Variants in ERC2 observed in about 807,000 individuals in gnomAD.
The protein encoded by ERC2 is ERC protein 2.
In ERC2, 42 loss-of-function variants were observed where a neutral mutation model predicts 114.8. That is an observed-to-expected ratio of 0.37 (90% CI 0.29 to 0.47). ERC2 has a LOEUF of 0.47. ERC2 is among the 20% of genes least tolerant of loss of function. ERC2 has a pLI of 0.99. For missense variants in ERC2, 939 were observed against 1,150.7 expected (o/e 0.82, Z 2.66); for synonymous variants, 454 against 425.5 (o/e 1.07, Z -0.82).
At position 55,509,303 on chromosome 3, in the gene ERC2, T is replaced by A. The variant is rs964776901; in HGVS notation, c.*2013A>T. On this transcript the variant is annotated 3_prime_UTR_variant, in exon 18 of 18. Coordinates refer to ENST00000288221, the MANE Select transcript of ERC2 (RefSeq NM_015576.3). ...CCTACTTCCTACTTCAAGTATTCAG[T>A]TGCAGAGTTCAGGTCAAGACCTGGT... is the stretch of plus-strand genomic sequence containing the variant. 5 of 152,738 alleles carry A rather than the reference T, an allele frequency of 3.3e-5. No individual in the cohort carries two copies. The highest frequency in any genetic ancestry group is 1.2e-4 in the African/African-American group (5 of 41,578). The allele number at this position is 152,738 out of a possible 1,614,324, so 9.5% of individuals were successfully genotyped here. A position where few individuals can be genotyped will look rare whatever the true frequency, so the allele number is the denominator to read the frequency against.
chr3:55,935,509 A>T (rs574127022), intron 13 of ERC2, among the ~76,000 whole-genome samples: 9 of 152,246 alleles, frequency 5.9e-5, no homozygotes, highest in African/African-American at 2.2e-4. Flanking sequence ...CAATGAACAA[A>T]CTCTTGGCTA....
At chr3:56,407,051 G>A (rs1353565338) in intron 2 of ERC2, among the ~76,000 whole-genome samples, 1 of 152,092 alleles carries the variant, frequency 6.6e-6, no homozygotes, top group Non-Finnish European at 1.5e-5. Flanking sequence ...AGACAGACAG[G>A]ATAAGTGTCT....
chr3:56,216,181 T>C (rs1489101877), intron 3 of ERC2, among the ~76,000 whole-genome samples: 1 of 152,128 alleles, frequency 6.6e-6, no homozygotes. Flanking sequence ...CAAAAAACCC[T>C]TCAAAAAATC....
chr3:55,929,861 T>C (rs745365879), intron 13 of ERC2, among the ~76,000 whole-genome samples: 2 of 152,224 alleles, frequency 1.3e-5, no homozygotes, highest in Non-Finnish European at 2.9e-5. Context: ...TCTGCCATGA[T>C]TGAAGATTTC....
At chr3:56,090,698 G>A (rs985518286) in intron 6 of ERC2, among the ~76,000 whole-genome samples, 6 of 145,420 alleles carry the variant, frequency 4.1e-5, no homozygotes, top group South Asian at 2.2e-4. Flanking sequence ...GGTTTGTTAC[G>A]TAATGGTGAG....
chr3:55,639,886 G>A (rs569607075), intron 17 of ERC2, among the ~76,000 whole-genome samples: 6 of 152,178 alleles, frequency 3.9e-5, no homozygotes, highest in African/African-American at 1.2e-4. Context: ...GGAAGCAGAT[G>A]TTTTCACACT....
chr3:55,902,425 T>G (rs756840653), intron 13 of ERC2, among the ~76,000 whole-genome samples: 18 of 151,982 alleles, frequency 1.2e-4, no homozygotes, highest in Non-Finnish European at 1.5e-5. Context: ...TGGTTAACCT[T>G]GGGAAAAATC....
At chr3:56,410,211 T>G (rs1014294636) in intron 2 of ERC2, among the ~76,000 whole-genome samples, 3 of 152,216 alleles carry the variant, frequency 2.0e-5, no homozygotes, top group African/African-American at 7.2e-5. Context: ...GGGATATATA[T>G]AGAGAGCAAA....
chr3:55,956,823 C>T (rs531260719), intron 12 of ERC2, among the ~76,000 whole-genome samples: 114 of 152,246 alleles, frequency 7.5e-4, no homozygotes, highest in Non-Finnish European at 1.4e-3. Context: ...GCCCACATCC[C>T]CACATTTTCC....
chr3:56,276,478 C>A (rs114973675), intron 3 of ERC2, among the ~76,000 whole-genome samples: 8,151 of 89,652 alleles, frequency 0.091, 20 homozygotes, highest in Middle Eastern at 0.13. Context: ...AAAAAAAAAA[C>A]AAACTCAGTC....
At chr3:55,924,383 A>C (rs13076081) in intron 13 of ERC2, among the ~76,000 whole-genome samples, 34,386 of 152,010 alleles carry the variant, frequency 0.23, 4,797 homozygotes, top group Admixed American at 0.33. Context: ...CTATGCATAA[A>C]AACAAGTGGC....
At chr3:56,115,905 C>G (rs1166611506) in intron 6 of ERC2, among the ~76,000 whole-genome samples, 1 of 152,146 alleles carries the variant, frequency 6.6e-6, no homozygotes, top group African/African-American at 2.4e-5. Flanking sequence ...TGCTGTAATC[C>G]CTCCAGGGCC....
At chr3:56,006,679 T>G (rs572478233) in intron 10 of ERC2, among the ~76,000 whole-genome samples, 52 of 152,230 alleles carry the variant, frequency 3.4e-4, no homozygotes, top group Non-Finnish European at 6.8e-4. Context: ...TAAGGCCATT[T>G]TGATCAAATA....
chr3:56,229,417 G>C (rs141580613), intron 3 of ERC2, among the ~76,000 whole-genome samples: 1 of 152,172 alleles, frequency 6.6e-6, no homozygotes, highest in East Asian at 1.9e-4. Context: ...TCAGAGAAAT[G>C]ATAATAGCAG....
At chr3:56,168,905 T>C (rs1271072298) in intron 4 of ERC2, among the ~76,000 whole-genome samples, 1 of 152,192 alleles carries the variant, frequency 6.6e-6, no homozygotes, top group Non-Finnish European at 1.5e-5. Flanking sequence ...CCACTTATAC[T>C]TCAGCAACTT....
At chr3:56,132,283 G>GT (rs1254730064) in intron 6 of ERC2, among the ~76,000 whole-genome samples, 1 of 152,178 alleles carries the variant, frequency 6.6e-6, no homozygotes, top group Non-Finnish European at 1.5e-5. Flanking sequence ...GCAAGGCCAT[G>GT]TAAAATGTGT....
chr3:56,167,294 G>A (rs77921323), intron 4 of ERC2, among the ~76,000 whole-genome samples: 2,821 of 152,206 alleles, frequency 0.019, 79 homozygotes, highest in African/African-American at 0.064. Flanking sequence ...TCATCATGGT[G>A]CTGTACACAA....
At chr3:56,370,421 G>A (rs1242423758) in intron 2 of ERC2, among the ~76,000 whole-genome samples, 1 of 152,118 alleles carries the variant, frequency 6.6e-6, no homozygotes. Context: ...TGGGATCAAG[G>A]AAGTAGGAAA....
intron 17 of ERC2, among the ~76,000 whole-genome samples, chr3:55,673,372 C>T (rs1057322475): frequency 2.1e-4 from 32 of 152,108 alleles, no homozygotes; most frequent in African/African-American, 7.0e-4. Flanking sequence ...ATCACGAGGT[C>T]GAGAGATTGA....
Sources: allele counts gnomAD v4.1 joint callset (sites outside exome capture counted in the v4.1 genomes callset), GRCh38; gene constraint gnomAD v4.1.1; transcripts MANE v1.5; gene names NCBI Gene and HGNC (gene_info 2026-07-23, HGNC 2026-07-21).